Variants in TENM2 observed in about 807,000 individuals in gnomAD.
TENM2 encodes the protein teneurin transmembrane protein 2, also known as teneurin-2.
Under a neutral mutation model 245.2 loss-of-function variants are expected in TENM2, and 52 were observed. That is an observed-to-expected ratio of 0.21 (90% CI 0.17 to 0.27). The LOEUF (loss-of-function observed/expected upper bound fraction) is 0.27. TENM2 is among the 10% of genes least tolerant of loss of function. The probability of loss-of-function intolerance (pLI) is 1.00; values close to 1 mark genes in which losing one functional copy is unlikely to be tolerated. For missense variants in TENM2, 3,046 were observed against 3,666.8 expected (o/e 0.83, Z 4.37); for synonymous variants, 1,363 against 1,438.9 (o/e 0.95, Z 1.19).
chr5:167,026,914 A>AT, the TENM2 span, among the ~76,000 whole-genome samples: 18 of 150,576 alleles, frequency 1.2e-4, no homozygotes, highest in Admixed American at 4.0e-4. Flanking sequence ...GAACCCACTG[A>AT]TTTTTTTTTT....
At chr5:168,235,730 A>AT (rs1474140486) in intron 25 of TENM2, among the ~76,000 whole-genome samples, 2 of 152,094 alleles carry the variant, frequency 1.3e-5, no homozygotes, top group African/African-American at 2.4e-5. Context: ...TCACTTGAAC[A>AT]TGCTAGACAG....
rs776911218 is a variant in TENM2 at position 167,537,143 on chromosome 5, G to T, written c.502+161670G>T. Reference sequence around the variant, plus strand: ...AAAGTTTGTTGAGGATGGGTATGGTGGATCATGCCTGTAATCATAGCACTT... The same window carrying T: ...AAAGTTTGTTGAGGATGGGTATGGTTGATCATGCCTGTAATCATAGCACTT... On this transcript the variant is annotated intron_variant, in intron 2 of 28. Transcript: ENST00000518659. Among the ~76,000 whole-genome samples, 5 of 151,558 alleles carry T rather than the reference G, an allele frequency of 3.3e-5. No individual in the cohort carries two copies. The South Asian group carries it at 1.0e-3, about 32-fold the overall frequency.
intron 2 of TENM2, among the ~76,000 whole-genome samples, chr5:167,618,258 T>C (rs910749900): frequency 6.6e-6 from 1 of 152,128 alleles, no homozygotes; most frequent in African/African-American, 2.4e-5. Flanking sequence ...GGGTCACTCA[T>C]AGTTGGCTTG....
At chr5:167,865,382 TC>T (rs1772219279) in intron 2 of TENM2, among the ~76,000 whole-genome samples, 1 of 152,074 alleles carries the variant, frequency 6.6e-6, no homozygotes, top group Admixed American at 6.5e-5. Context: ...CAAGCAGTCT[TC>T]CCACCTCAGC....
intron 1 of TENM2, among the ~76,000 whole-genome samples, chr5:167,366,504 G>A (rs1326102290): frequency 1.3e-5 from 2 of 152,046 alleles, no homozygotes; most frequent in Admixed American, 6.6e-5. Flanking sequence ...CCTCCACCCT[G>A]TGAAAGTAGG....
chr5:168,219,823 GCAAAAAAA>G (rs1763505149), intron 23 of TENM2, among the ~76,000 whole-genome samples: 1 of 15,252 alleles, frequency 6.6e-5, no homozygotes, highest in African/African-American at 6.2e-4. Context: ...AGTTGGCACA[GCAAAAAAA>G]AAAAAAAAAA....
At chr5:167,427,654 C>A (rs1188067644) in intron 2 of TENM2, among the ~76,000 whole-genome samples, 4 of 8,236 alleles carry the variant, frequency 4.9e-4, no homozygotes, top group African/African-American at 1.1e-3. Flanking sequence ...AAGGAAGGGA[C>A]GGGAGGGAAG....
intron 2 of TENM2, among the ~76,000 whole-genome samples, chr5:167,620,373 C>G (rs1397281568): frequency 1.3e-5 from 2 of 152,088 alleles, no homozygotes; most frequent in African/African-American, 2.4e-5. Context: ...TGCTCTTGAT[C>G]ATAATTTACT....
intron 2 of TENM2, among the ~76,000 whole-genome samples, chr5:167,584,923 G>A (rs150220631): frequency 6.6e-6 from 1 of 152,256 alleles, no homozygotes; most frequent in Non-Finnish European, 1.5e-5. Flanking sequence ...GAGGACAGGA[G>A]CCATGTGTGT....
the TENM2 span, among the ~76,000 whole-genome samples, chr5:167,178,697 G>A: frequency 5.9e-5 from 9 of 152,110 alleles, no homozygotes; most frequent in East Asian, 1.4e-3. Flanking sequence ...GGATAAAAGC[G>A]TGTTTTGTAG....
chr5:168,211,805 CT>C (rs1196601793), intron 20 of TENM2, 51 bp downstream of exon 22: 128 of 1,160,844 alleles, frequency 1.1e-4, no homozygotes, highest in Admixed American at 1.2e-4. Flanking sequence ...CGTTTGCTTC[CT>C]TGTGTTTGCT....
At chr5:167,803,723 CT>C (rs1451369014) in intron 2 of TENM2, among the ~76,000 whole-genome samples, 1 of 151,914 alleles carries the variant, frequency 6.6e-6, no homozygotes, top group Non-Finnish European at 1.5e-5. Flanking sequence ...TGTTTATTAA[CT>C]TTTTTATATA....
the TENM2 span, among the ~76,000 whole-genome samples, chr5:167,090,956 C>T: frequency 2.6e-5 from 4 of 152,310 alleles, no homozygotes; most frequent in Admixed American, 6.5e-5. Flanking sequence ...AGTTTTTCAA[C>T]GCTTTCTGCT....
At chr5:167,705,051 G>A (rs1387026003) in intron 2 of TENM2, among the ~76,000 whole-genome samples, 2 of 152,158 alleles carry the variant, frequency 1.3e-5, no homozygotes, top group African/African-American at 4.8e-5. Context: ...CTTTGAGTTT[G>A]CAGGAATAAC....
the TENM2 span, among the ~76,000 whole-genome samples, chr5:167,114,415 T>G: frequency 6.6e-6 from 1 of 152,318 alleles, no homozygotes; most frequent in South Asian, 2.1e-4. Context: ...AATTAAAAAC[T>G]CACTTGCAAG....
At chr5:167,392,603 C>T (rs1761823290) in intron 2 of TENM2, among the ~76,000 whole-genome samples, 1 of 152,082 alleles carries the variant, frequency 6.6e-6, no homozygotes, top group Non-Finnish European at 1.5e-5. Flanking sequence ...ACGGGTTTTC[C>T]CCAGCTTGCA....
At chr5:168,230,361 T>G (rs1242375024) in intron 25 of TENM2, among the ~76,000 whole-genome samples, 1 of 152,262 alleles carries the variant, frequency 6.6e-6, no homozygotes, top group Non-Finnish European at 1.5e-5. Context: ...AGCCTGGAAT[T>G]TATTTGCATC....
the TENM2 span, among the ~76,000 whole-genome samples, chr5:167,100,624 C>G: frequency 6.6e-6 from 1 of 152,000 alleles, no homozygotes; most frequent in Non-Finnish European, 1.5e-5. Context: ...TTCTTGCCAC[C>G]CCCTTTGCTC....
At chr5:167,532,730 A>ATGTG in intron 2 of TENM2, among the ~76,000 whole-genome samples, 1 of 151,314 alleles carries the variant, frequency 6.6e-6, no homozygotes, top group African/African-American at 2.4e-5. Flanking sequence ...ATACACACAC[A>ATGTG]TATATACACA....
Sources: allele counts gnomAD v4.1 joint callset (sites outside exome capture counted in the v4.1 genomes callset), GRCh38; gene constraint gnomAD v4.1.1; transcripts MANE v1.5; gene names NCBI Gene and HGNC (gene_info 2026-07-23, HGNC 2026-07-21).